Variants in PSAT1 observed in about 807,000 individuals in gnomAD.
PSAT1 encodes phosphoserine aminotransferase 1.
Under a neutral mutation model 40.3 loss-of-function variants are expected in PSAT1, and 41 were observed. The observed-to-expected ratio is 1.02, with a 90% confidence interval of 0.79 to 1.32. PSAT1 has a LOEUF of 1.32. Ranked by LOEUF, PSAT1 falls within the 40% of genes most tolerant of loss-of-function variation. The pLI, the probability that PSAT1 is intolerant of heterozygous loss-of-function variation, is 0.00. For synonymous variants in PSAT1, 147 were observed against 170.5 expected (o/e 0.86, Z 1.07); for missense variants, 406 against 455.8 (o/e 0.89, Z 0.99).
At chr9:78,328,289 AG>A in intron 8 of PSAT1, 101 bp downstream of exon 8, 2 of 1,475,514 alleles carry the variant, frequency 1.4e-6, no homozygotes. Flanking sequence ...TTGGAGTAGC[AG>A]TTATGTAATT....
At chr9:78,298,761 T>A (rs895001170) in intron 1 of PSAT1, among the ~76,000 whole-genome samples, 6 of 152,192 alleles carry the variant, frequency 3.9e-5, no homozygotes, top group African/African-American at 1.4e-4. Flanking sequence ...TGTTGCTTTT[T>A]ATGTATTTCC....
Position 78,301,996 on chromosome 9 carries a change from A to T in PSAT1, c.164A>T (p.Asn55Ile), listed in dbSNP as rs777856520. 6.2e-7 allele frequency: 1 copy of T among 1,611,736 alleles called. No homozygotes were observed. The highest frequency in any genetic ancestry group is 1.7e-5 in the Admixed American group (1 of 60,024). Residue 55 changes from asparagine (N) to isoleucine (I), a missense_variant, in exon 3 of 9, where the codon AAT becomes ATT. Transcript: ENST00000376588. ...TCAGATTTTGCCAAGATTATTAACA[A>T]TACAGAGAATCTTGTGCGGGAATTG... ...RSSDFAKIINNTENLVRELLA... is the reference protein window; with the variant it reads ...RSSDFAKIINITENLVRELLA...
chr9:78,312,149 C>A (rs761009658), intron 6 of PSAT1, among the ~76,000 whole-genome samples: 1 of 151,902 alleles, frequency 6.6e-6, no homozygotes, highest in Admixed American at 6.6e-5. Context: ...TGCTCCGTAG[C>A]CCTGAGTGAT....
chr9:78,300,992 C>T (rs1266193493), intron 2 of PSAT1, among the ~76,000 whole-genome samples: 1 of 152,118 alleles, frequency 6.6e-6, no homozygotes, highest in Non-Finnish European at 1.5e-5. Context: ...CCCACATTGG[C>T]CTCCCAAAGT....
At position 78,326,955 on chromosome 9, in the gene PSAT1, A is replaced by ATATTTTTTTTTTTTT; in HGVS notation, c.870-1095_870-1094insATTTTTTTTTTTTTT. On this transcript the variant is annotated intron_variant, in intron 7 of 8. Transcript: ENST00000376588. Reference sequence around the variant, plus strand: ...CAGCAATATATATATATATATATATATTTTTTTTTTTTTTTTTTGAGACAG... The same window carrying ATATTTTTTTTTTTTT: ...CAGCAATATATATATATATATATATATATTTTTTTTTTTTTTTTTTTTTTTTTTTTTTTGAGACAG... Among the ~76,000 whole-genome samples the ATATTTTTTTTTTTTT allele has an allele frequency of 1.4e-3, 108 of 75,910 alleles. 5 individuals carry two copies. In the East Asian group the frequency reaches 0.02, roughly 14 times the overall value. 49.8% of individuals were successfully genotyped at this position (75,910 alleles called of 152,430 possible).
At chr9:78,314,304 C>CCAGGGA (rs1564016633) in intron 6 of PSAT1, among the ~76,000 whole-genome samples, 6 of 126,094 alleles carry the variant, frequency 4.8e-5, no homozygotes, top group East Asian at 5.2e-4. Context: ...ACCTCCTATC[C>CCAGGGA]TGTGTTAAGT....
At chr9:78,313,675 T>G (rs529119039) in intron 6 of PSAT1, among the ~76,000 whole-genome samples, 24 of 152,320 alleles carry the variant, frequency 1.6e-4, no homozygotes, top group African/African-American at 5.8e-4. Context: ...GACAGGGTCT[T>G]GCTCTGTTGT....
intron 7 of PSAT1, among the ~76,000 whole-genome samples, chr9:78,319,971 T>C (rs1828402780): frequency 7.4e-6 from 1 of 135,190 alleles, no homozygotes; most frequent in Admixed American, 7.5e-5. Flanking sequence ...TACCCATCTA[T>C]CCATCCACTC....
chr9:78,298,182 C>G (rs917602707), intron 1 of PSAT1: 2 of 567,158 alleles, frequency 3.5e-6, no homozygotes, highest in Non-Finnish European at 4.5e-6. Flanking sequence ...CCAAACCCAC[C>G]GTCCCCAGCC....
At chr9:78,319,402 G>C (rs1032740855) in intron 7 of PSAT1, among the ~76,000 whole-genome samples, 15 of 152,140 alleles carry the variant, frequency 9.9e-5, no homozygotes, top group Admixed American at 7.9e-4. Flanking sequence ...CTTGGCCTTT[G>C]GGCTCCTTTC....
chr9:78,314,120 C>G (rs781360302), intron 6 of PSAT1, among the ~76,000 whole-genome samples: 4 of 152,220 alleles, frequency 2.6e-5, no homozygotes, highest in Non-Finnish European at 4.4e-5. Context: ...ATTGAGACCA[C>G]TCTATAAGCT....
intron 6 of PSAT1, among the ~76,000 whole-genome samples, chr9:78,312,962 TG>T (rs1828289424): frequency 6.6e-6 from 1 of 152,198 alleles, no homozygotes; most frequent in African/African-American, 2.4e-5. Context: ...TCTGCAGAGC[TG>T]GAGTCTTAGA....
intron 7 of PSAT1, among the ~76,000 whole-genome samples, chr9:78,318,992 G>A (rs2118685278): frequency 6.6e-6 from 1 of 152,270 alleles, no homozygotes; most frequent in East Asian, 1.9e-4. Flanking sequence ...TTCCTGCTGT[G>A]TACATGTATG....
chr9:78,313,600 C>T (rs1828297921), intron 6 of PSAT1, among the ~76,000 whole-genome samples: 1 of 152,206 alleles, frequency 6.6e-6, no homozygotes, highest in African/African-American at 2.4e-5. Flanking sequence ...ATACCATGGG[C>T]ATTCTGCTAT....
chr9:78,325,844 T>C (rs1054198200), intron 7 of PSAT1, among the ~76,000 whole-genome samples: 4 of 152,248 alleles, frequency 2.6e-5, no homozygotes, highest in African/African-American at 4.8e-5. Flanking sequence ...CTTTGTGATA[T>C]CTTCTACTTT....
chr9:78,298,942 G>A (rs1449802291), intron 1 of PSAT1, among the ~76,000 whole-genome samples: 1 of 151,966 alleles, frequency 6.6e-6, no homozygotes, highest in Non-Finnish European at 1.5e-5. Flanking sequence ...ACACTATTTT[G>A]TATTCTATCC....
chr9:78,317,813 A>G lies in PSAT1; in HGVS notation c.869+9A>G, dbSNP rs368990190. 2.7e-5 allele frequency: 43 copies of G among 1,611,810 alleles called. 1 individual carries two copies. Among genetic ancestry groups the G allele is most frequent in the South Asian group, 2.6e-4 (24 of 90,988 alleles). Reference sequence around the variant, plus strand: ...TCTCAAGGATTCTACGTGTAAGTCAATGGATTTTATCTCCTATTTTGCCTC... The same window carrying G: ...TCTCAAGGATTCTACGTGTAAGTCAGTGGATTTTATCTCCTATTTTGCCTC... On this transcript the variant is annotated intron_variant, in intron 7 of 8. Coordinates refer to ENST00000376588, the MANE Select transcript of PSAT1 (RefSeq NM_058179.4).
Position 78,308,483 on chromosome 9 carries a change from G to A in PSAT1, c.640G>A (p.Asp214Asn). 5.6e-6 allele frequency: 9 copies of A among 1,614,004 alleles called. No individual in the cohort carries two copies. The highest frequency in any genetic ancestry group is 7.6e-6 in the Non-Finnish European group (9 of 1,179,938). ...TGGGGTCACCGTGGTGATTGTCCGTGATGACCTGCTGGGGTTTGCCCTCCG... is the reference window on the plus strand; with the variant it reads ...TGGGGTCACCGTGGTGATTGTCCGTAATGACCTGCTGGGGTTTGCCCTCCG... ...SAGVTVVIVR[D>N]DLLGFALREC... is the part of the protein sequence containing the mutation. The change falls in exon 6 of 9, where the codon GAT (aspartate) becomes AAT (asparagine). Residue 214 changes from aspartate (D) to asparagine (N), a missense_variant. By Grantham distance (23) the Asp-to-Asn change is conservative. Transcript: ENST00000376588.
chr9:78,315,449 T>G (rs965132901), intron 6 of PSAT1, among the ~76,000 whole-genome samples: 26 of 152,206 alleles, frequency 1.7e-4, no homozygotes, highest in African/African-American at 5.3e-4. Flanking sequence ...CTCATTCCCT[T>G]CTCTTACTTT....
Sources: allele counts gnomAD v4.1 joint callset (sites outside exome capture counted in the v4.1 genomes callset), GRCh38; gene constraint gnomAD v4.1.1; transcripts MANE v1.5; gene names NCBI Gene and HGNC (gene_info 2026-07-23, HGNC 2026-07-21).